MOK: variants seen among roughly 807,000 people sequenced by gnomAD.
The protein encoded by MOK is MOK protein kinase, also known as MAPK/MAK/MRK overlapping kinase.
A neutral mutation model predicts 54.2 loss-of-function variants in MOK; 59 were observed. The ratio of observed to expected loss-of-function variants is 1.09; its 90% CI spans 0.88 to 1.35. MOK has a LOEUF of 1.35. MOK is among the 40% of genes most tolerant of loss of function. The probability of loss-of-function intolerance (pLI) is 0.00; values close to 1 mark genes in which losing one functional copy is unlikely to be tolerated. For missense variants in MOK, 517 were observed against 526.2 expected, an observed-to-expected ratio of 0.98 and a Z score of 0.17; for synonymous variants, 210 against 202.7, an observed-to-expected ratio of 1.04 and a Z score of -0.31.
At chr14:102,226,200 T>TGTGGGGTGTGACTGGGCTCCC, downstream of MOK, 1 of 613,960 alleles carries the variant, frequency 1.6e-6, no homozygotes, top group East Asian at 2.8e-5. The surrounding 1 kb of genome is among the most constrained non-coding windows in gnomAD (Gnocchi z 4.8). Flanking sequence ...CCCCCGCCAG[T>TGTGGGGTGTGACTGGGCTCCC]GTGGGGTGTG....
At chr14:102,299,168 A>G (rs1338035571) in intron 1 of MOK, among the ~76,000 whole-genome samples, 4 of 135,764 alleles carry the variant, frequency 2.9e-5, no homozygotes, top group East Asian at 2.0e-4. Context: ...TCCATGGCGG[A>G]AAAAAAAAAA....
intron 1 of MOK, among the ~76,000 whole-genome samples, chr14:102,290,583 C>T (rs1696325318): frequency 6.6e-6 from 1 of 152,144 alleles, no homozygotes; most frequent in Admixed American, 6.6e-5. Context: ...AGCCAAGTGT[C>T]ACAACTGGTC....
intron 1 of MOK, among the ~76,000 whole-genome samples, chr14:102,289,830 G>A (rs1245917005): frequency 6.6e-6 from 1 of 152,086 alleles, no homozygotes; most frequent in Non-Finnish European, 1.5e-5. Context: ...TTTGTCAACA[G>A]TTATAATAAT....
At chr14:102,284,927 CA>C (rs1463356525) in intron 1 of MOK, among the ~76,000 whole-genome samples, 2 of 151,918 alleles carry the variant, frequency 1.3e-5, no homozygotes, top group Non-Finnish European at 2.9e-5. Flanking sequence ...ACTAAAAATA[CA>C]AAAAATTAGC....
chr14:102,287,502 C>A (rs148180794), intron 1 of MOK, among the ~76,000 whole-genome samples: 245 of 152,206 alleles, frequency 1.6e-3, no homozygotes, highest in Non-Finnish European at 2.9e-3. Flanking sequence ...AAACTTATAT[C>A]TAGAATATAT....
At chr14:102,289,286 A>G (rs1411409819) in intron 1 of MOK, among the ~76,000 whole-genome samples, 2 of 152,188 alleles carry the variant, frequency 1.3e-5, no homozygotes, top group Non-Finnish European at 2.9e-5. Flanking sequence ...AGCAGAGAGT[A>G]TAAGGAACAG....
intron 2 of MOK, among the ~76,000 whole-genome samples, chr14:102,279,169 C>T (rs1391364027): frequency 6.6e-6 from 1 of 152,138 alleles, no homozygotes; most frequent in African/African-American, 2.4e-5. Context: ...GTCACTGCCT[C>T]GGGGCACAAA....
downstream of MOK, among the ~76,000 whole-genome samples, chr14:102,228,399 AAATT>A (rs756890147): frequency 6.6e-6 from 1 of 152,174 alleles, no homozygotes; most frequent in African/African-American, 2.4e-5. Flanking sequence ...CTTCAAATGA[AAATT>A]AAGCCACACC....
At chr14:102,237,500 GA>G (rs1221695267) in intron 7 of MOK, among the ~76,000 whole-genome samples, 1 of 152,078 alleles carries the variant, frequency 6.6e-6, no homozygotes, top group Non-Finnish European at 1.5e-5. Flanking sequence ...GGCTTTTTTA[GA>G]ATATGGATTC....
At chr14:102,273,291 A>T (rs2068551876) in intron 2 of MOK, among the ~76,000 whole-genome samples, 2 of 150,560 alleles carry the variant, frequency 1.3e-5, no homozygotes, top group East Asian at 2.1e-4. Flanking sequence ...AAAAAAAAAA[A>T]AAAAATAAGT....
chr14:102,263,805 A>T, intron 3 of MOK, 189 bp from the exon 4 acceptor site: 1 of 429,978 alleles, frequency 2.3e-6, no homozygotes, highest in Non-Finnish European at 4.1e-6. Flanking sequence ...TTAACTAAAA[A>T]TACTAGCAAA....
downstream of MOK, chr14:102,226,213 T>A: frequency 1.6e-6 from 1 of 625,030 alleles, no homozygotes; most frequent in South Asian, 1.9e-5. The surrounding 1 kb of genome is among the most constrained non-coding windows in gnomAD (Gnocchi z 4.8). Flanking sequence ...GGGGTGTGAC[T>A]GGGCTCCCCT....
downstream of MOK, chr14:102,222,962 A>G: frequency 4.5e-6 from 7 of 1,568,512 alleles, no homozygotes; most frequent in Non-Finnish European, 5.3e-6. This position sits in a 1 kb window ranked among gnomAD's most constrained non-coding sequence, Gnocchi z 4.4. Context: ...GCTGCGCCTG[A>G]GCCGTGCCAG....
chr14:102,229,452 GCTACCTT>G lies in MOK; in HGVS notation c.1180_1182+4del. 1 of 1,614,196 alleles carries G rather than the reference GCTACCTT, an allele frequency of 6.2e-7. No individual in the cohort carries two copies. Among genetic ancestry groups the G allele is most frequent in the Admixed American group, 1.7e-5 (1 of 60,030 alleles). On this transcript the variant is annotated splice_donor_variant and splice_donor_region_variant and coding_sequence_variant and intron_variant, in exon 11 of 12. Transcript: ENST00000361847. LOFTEE classifies it high-confidence loss of function. ...GCGCCGTCAGAGAAGCTGGTTCCGC[GCTACCTT>G]CTTGCTCGCAGGGATGCACTTCAAG...
At chr14:102,215,537 G>T in the MOK span, among the ~76,000 whole-genome samples, 2,083 of 152,266 alleles carry the variant, frequency 0.014, 59 homozygotes, top group African/African-American at 0.048. Context: ...ATGTGCCACG[G>T]TGGTTTGTTG....
chr14:102,239,671 C>A lies in MOK; in HGVS notation c.591-5882G>T, dbSNP rs577826452. The stretch of plus-strand genomic sequence containing the variant: ...GAATCACAAGGTCAAGAGATTGAGA[C>A]CATCCTGGCCAACATGGTGAAACCC... On this transcript the variant is annotated intron_variant, in intron 7 of 11. Coordinates refer to ENST00000361847, the MANE Select transcript of MOK (RefSeq NM_014226.3). Among the ~76,000 whole-genome samples, 212 of 152,290 alleles carry A rather than the reference C, an allele frequency of 1.4e-3. 3 individuals carry two copies. The highest frequency in any genetic ancestry group is 6.8e-3 in the Middle Eastern group (2 of 294).
downstream of MOK, among the ~76,000 whole-genome samples, chr14:102,223,825 C>G (rs1320363410): frequency 6.6e-6 from 1 of 152,086 alleles, no homozygotes; most frequent in Non-Finnish European, 1.5e-5. Context: ...GAATATGGCT[C>G]AGGAGGGCGT....
intron 1 of MOK, among the ~76,000 whole-genome samples, chr14:102,288,301 G>A (rs2070371629): frequency 6.6e-6 from 1 of 152,196 alleles, no homozygotes; most frequent in African/African-American, 2.4e-5. Flanking sequence ...ATCAGGAGAT[G>A]AACGGATAAA....
intron 4 of MOK, among the ~76,000 whole-genome samples, chr14:102,253,462 G>A (rs2066691396): frequency 1.3e-5 from 2 of 152,268 alleles, no homozygotes; most frequent in African/African-American, 4.8e-5. Context: ...CGTCAACCCA[G>A]TGTTCCACTA....
Sources: allele counts gnomAD v4.1 joint callset (sites outside exome capture counted in the v4.1 genomes callset), GRCh38; gene constraint gnomAD v4.1.1; non-coding constraint Gnocchi (gnomAD v3.1); transcripts MANE v1.5; gene names NCBI Gene and HGNC (gene_info 2026-07-23, HGNC 2026-07-21).